FAM184A: variants seen among roughly 807,000 people sequenced by gnomAD.
FAM184A encodes protein FAM184A.
Under a neutral mutation model 143.8 loss-of-function variants are expected in FAM184A, and 99 were observed. The ratio of observed to expected loss-of-function variants is 0.69; its 90% CI spans 0.58 to 0.81. The LOEUF (loss-of-function observed/expected upper bound fraction) is 0.81. FAM184A is among the 40% of genes least tolerant of loss of function. FAM184A has a pLI of 0.00. For missense variants in FAM184A, 1,217 were observed against 1,310.5 expected, an observed-to-expected ratio of 0.93 and a Z score of 1.10; for synonymous variants, 427 against 446.4, an observed-to-expected ratio of 0.96 and a Z score of 0.55.
chr6:118,961,446 GGATT>G (rs1240857372), intron 17 of FAM184A, among the ~76,000 whole-genome samples: 3 of 151,134 alleles, frequency 2.0e-5, no homozygotes, highest in African/African-American at 4.9e-5. Context: ...CAATAAGGAT[GGATT>G]GTTAATTTAA....
At position 119,003,067 on chromosome 6, in the gene FAM184A, C is replaced by T. The variant is rs779114517; in HGVS notation, c.1938-18G>A. 3 of 1,580,016 alleles carry T rather than the reference C, an allele frequency of 1.9e-6. No individual in the cohort carries two copies. The highest frequency in any genetic ancestry group is 2.3e-5 in the East Asian group (1 of 44,264). On this transcript the variant is annotated intron_variant, in intron 8 of 17. Transcript: ENST00000338891. Reference sequence around the variant, plus strand: ...ACTCTTGTCTAAAATAAAACAACTGCATTTACTTTGTAAAGAGAATTATTC... The same window carrying T: ...ACTCTTGTCTAAAATAAAACAACTGTATTTACTTTGTAAAGAGAATTATTC...
chr6:119,051,399 G>A (rs2114747320), intron 1 of FAM184A, among the ~76,000 whole-genome samples: 1 of 152,264 alleles, frequency 6.6e-6, no homozygotes, highest in South Asian at 2.1e-4. Context: ...GGGTAGTGGG[G>A]TGTTAGGAAG....
chr6:119,006,383 T>C, intron 7 of FAM184A, 64 bp downstream of exon 7: 1 of 1,517,820 alleles, frequency 6.6e-7, no homozygotes, highest in Non-Finnish European at 9.0e-7. Flanking sequence ...TAGCTCTAGG[T>C]CAAATGGCTA....
At chr6:119,140,403 G>C (rs1461123677) in intron 1 of FAM184A, among the ~76,000 whole-genome samples, 1 of 152,172 alleles carries the variant, frequency 6.6e-6, no homozygotes, top group Admixed American at 6.5e-5. Flanking sequence ...GAGCCCCTGG[G>C]AGAAGCAGTG....
intron 1 of FAM184A, among the ~76,000 whole-genome samples, chr6:119,139,647 T>TAA (rs34268474): frequency 0.11 from 16,018 of 142,500 alleles, 1,241 homozygotes; most frequent in African/African-American, 0.23. Context: ...ATATTTAAAG[T>TAA]AAAAAAAAAA....
At chr6:119,093,962 C>T (rs1788437568) in intron 1 of FAM184A, among the ~76,000 whole-genome samples, 1 of 152,000 alleles carries the variant, frequency 6.6e-6, no homozygotes, top group Non-Finnish European at 1.5e-5. Context: ...ACTGCCCTTT[C>T]ATCTTTTTTT....
intron 9 of FAM184A, among the ~76,000 whole-genome samples, chr6:118,991,124 G>A (rs1449765148): frequency 2.0e-5 from 3 of 151,652 alleles, no homozygotes; most frequent in Non-Finnish European, 4.4e-5. Context: ...AGGAGATATT[G>A]AGTTGATGGT....
chr6:119,013,363 T>C (rs1478844871), intron 5 of FAM184A, among the ~76,000 whole-genome samples: 1 of 151,902 alleles, frequency 6.6e-6, no homozygotes, highest in Non-Finnish European at 1.5e-5. Flanking sequence ...TAGAGAGGAA[T>C]AAAGGCTAAA....
At chr6:119,120,806 C>CTCTT (rs67153836) in intron 1 of FAM184A, among the ~76,000 whole-genome samples, 11 of 134,636 alleles carry the variant, frequency 8.2e-5, no homozygotes, top group African/African-American at 1.1e-4. Flanking sequence ...GATGGTTTTT[C>CTCTT]TCTTTCTTTC....
At chr6:119,033,990 CAAAAAAAAAAAAAAAAA>C (rs59719185) in intron 1 of FAM184A, among the ~76,000 whole-genome samples, 1 of 17,388 alleles carries the variant, frequency 5.8e-5, no homozygotes, top group Admixed American at 1.2e-3. Context: ...GACTCTGTCT[CAAAAAAAAAAAAAAAAA>C]AAAAAAAAAA....
At chr6:118,961,680 G>C (rs1324402337) in intron 17 of FAM184A, 81 bp downstream of exon 17, 1 of 1,117,384 alleles carries the variant, frequency 8.9e-7, no homozygotes, top group African/African-American at 1.6e-5. Flanking sequence ...TGTTCTTAAA[G>C]TAGTGATTTC....
chr6:119,144,175 A>AAG lies in FAM184A; in HGVS notation c.-202+4902_-202+4903insCT, dbSNP rs556232628. Among the ~76,000 whole-genome samples, 63 of 149,996 alleles carry AAG rather than the reference A, an allele frequency of 4.2e-4. 2 individuals carry two copies. In the South Asian group the frequency reaches 0.011, roughly 26 times the overall value. ...ACCCTGTCTCTACTAAAAATACAAAAAAAAAAAAATTAGCCGGGTGTGGTG... is the reference window on the plus strand; with the variant it reads ...ACCCTGTCTCTACTAAAAATACAAAAAGAAAAAAAAATTAGCCGGGTGTGGTG... On this transcript the variant is annotated intron_variant, in intron 1 of 16. Coordinates refer to the FAM184A transcript ENST00000352896.
intron 1 of FAM184A, among the ~76,000 whole-genome samples, chr6:119,115,717 C>T (rs764232679): frequency 6.6e-6 from 1 of 151,458 alleles, no homozygotes; most frequent in African/African-American, 2.4e-5. Flanking sequence ...AGTCTCAGTA[C>T]TTTGGGAGGC....
At chr6:119,115,807 A>T in intron 1 of FAM184A, among the ~76,000 whole-genome samples, 2 of 129,488 alleles carry the variant, frequency 1.5e-5, no homozygotes, top group Non-Finnish European at 3.3e-5. Context: ...TACTAAAAAT[A>T]CAAAAAAAAA....
intron 1 of FAM184A, among the ~76,000 whole-genome samples, chr6:119,120,065 AGTT>A (rs1276900485): frequency 2.6e-5 from 4 of 152,348 alleles, no homozygotes; most frequent in Admixed American, 6.5e-5. Flanking sequence ...GTTCACAGTC[AGTT>A]GTTTTTAGCA....
chr6:118,975,905 ACT>A lies in FAM184A; in HGVS notation c.2583+10_2583+11del. The A allele has an allele frequency of 6.2e-7, 1 of 1,609,804 alleles. No homozygotes were observed. The highest frequency in any genetic ancestry group is 8.5e-7 in the Non-Finnish European group (1 of 1,178,898). On this transcript the variant is annotated intron_variant, in intron 12 of 17. Transcript: ENST00000338891. ...TTAAGAAATCATCAGAGTACAGAAT[ACT>A]CTTACTTACCTGTCTTCTGCTGATG... is the stretch of plus-strand genomic sequence containing the variant.
upstream of FAM184A, among the ~76,000 whole-genome samples, chr6:119,080,894 G>A (rs537632062): frequency 6.6e-6 from 1 of 152,292 alleles, no homozygotes; most frequent in East Asian, 1.9e-4. Context: ...CAGTTCTGAA[G>A]GCCGTACAGG....
At chr6:119,042,773 A>G (rs141413696) in intron 1 of FAM184A, among the ~76,000 whole-genome samples, 73 of 152,320 alleles carry the variant, frequency 4.8e-4, no homozygotes, top group Middle Eastern at 3.4e-3. Flanking sequence ...TGATGTGTCA[A>G]TGTAGGTCTA....
At chr6:119,041,454 A>G (rs1477026642) in intron 1 of FAM184A, among the ~76,000 whole-genome samples, 1 of 152,222 alleles carries the variant, frequency 6.6e-6, no homozygotes, top group Non-Finnish European at 1.5e-5. Context: ...AACAGTAAGT[A>G]AAGAAATAGC....
Sources: allele counts gnomAD v4.1 joint callset (sites outside exome capture counted in the v4.1 genomes callset), GRCh38; gene constraint gnomAD v4.1.1; transcripts MANE v1.5; gene names NCBI Gene and HGNC (gene_info 2026-07-23, HGNC 2026-07-21).